LYRM4: variants seen among roughly 807,000 people sequenced by gnomAD.
The protein encoded by LYRM4 is LYR motif-containing protein 4.
Under a neutral mutation model 11.7 loss-of-function variants are expected in LYRM4, and 9 were observed. That is an observed-to-expected ratio of 0.77 (90% CI 0.46 to 1.34). LYRM4 has a LOEUF of 1.34. Among genes scored for constraint, LYRM4 ranks in the 40% most tolerant of loss-of-function variants. The pLI is 0.00. For synonymous variants in LYRM4, 42 were observed against 40.4 expected, an observed-to-expected ratio of 1.04 and a Z score of -0.15; for missense variants, 133 against 112.5, an observed-to-expected ratio of 1.18 and a Z score of -0.82.
the LYRM4 span, chr6:5,089,425 AT>A: frequency 6.6e-6 from 1 of 152,212 alleles, no homozygotes; most frequent in Non-Finnish European, 1.5e-5. Flanking sequence ...ATAAAGCAAC[AT>A]TTTGAATTGT....
intron 1 of LYRM4, among the ~76,000 whole-genome samples, chr6:5,227,989 G>C (rs184907248): frequency 1.3e-5 from 2 of 152,090 alleles, no homozygotes; most frequent in African/African-American, 2.4e-5. Flanking sequence ...GTTGCGGGGT[G>C]GGGGGCTAGG....
chr6:5,038,294 C>G, the LYRM4 span, among the ~76,000 whole-genome samples: 2 of 57,828 alleles, frequency 3.5e-5, 1 homozygote, highest in Non-Finnish European at 8.2e-5. Context: ...GGATGGCGGC[C>G]GGGCAGAGAT....
chr6:5,094,241 G>T, the LYRM4 span, among the ~76,000 whole-genome samples: 7 of 152,180 alleles, frequency 4.6e-5, no homozygotes, highest in Non-Finnish European at 8.8e-5. Flanking sequence ...CAGCACTTTG[G>T]GAGGCTGAGG....
At chr6:5,162,028 A>G (rs1212063487) in intron 2 of LYRM4, among the ~76,000 whole-genome samples, 1 of 152,178 alleles carries the variant, frequency 6.6e-6, no homozygotes, top group Non-Finnish European at 1.5e-5. Context: ...CCAGAAAAAA[A>G]GTGTAAAAAG....
the LYRM4 span, chr6:5,084,475 G>C: frequency 6.6e-6 from 1 of 152,030 alleles, no homozygotes; most frequent in Non-Finnish European, 1.5e-5. Context: ...CCGGCCCCAC[G>C]GGGCCCCCTC....
chr6:5,151,779 C>T (rs909000431), intron 2 of LYRM4, among the ~76,000 whole-genome samples: 3 of 152,106 alleles, frequency 2.0e-5, no homozygotes, highest in Admixed American at 1.3e-4. Flanking sequence ...TCCACCTCAC[C>T]GGATTACTGT....
intron 1 of LYRM4, among the ~76,000 whole-genome samples, chr6:5,221,449 C>T (rs1762576097): frequency 6.6e-6 from 1 of 152,012 alleles, no homozygotes; most frequent in South Asian, 2.1e-4. Flanking sequence ...AATCTCAGCA[C>T]TCTGGGAGGC....
chr6:5,046,776 G>A, the LYRM4 span, among the ~76,000 whole-genome samples: 12 of 152,140 alleles, frequency 7.9e-5, no homozygotes, highest in African/African-American at 2.4e-5. Context: ...GATGGCTTCC[G>A]TCATATTCTG....
chr6:5,184,507 C>T (rs1260744781), intron 2 of LYRM4, among the ~76,000 whole-genome samples: 1 of 152,062 alleles, frequency 6.6e-6, no homozygotes, highest in African/African-American at 2.4e-5. Flanking sequence ...CACAGGAAAA[C>T]AAAAAGTCTT....
intron 1 of LYRM4, among the ~76,000 whole-genome samples, chr6:5,257,463 A>G (rs529163230): frequency 5.4e-4 from 83 of 152,324 alleles, no homozygotes; most frequent in African/African-American, 1.8e-3. Context: ...AAAGCCATTG[A>G]TAACAGGTGC....
chr6:5,055,211 A>G, the LYRM4 span, among the ~76,000 whole-genome samples: 1 of 152,166 alleles, frequency 6.6e-6, no homozygotes, highest in Non-Finnish European at 1.5e-5. This position sits in a 1 kb window ranked among gnomAD's most constrained non-coding sequence, Gnocchi z 4.5. Context: ...TATACCTTAC[A>G]TGTATTCATT....
chr6:5,250,989 G>A (rs1401282292), intron 1 of LYRM4, among the ~76,000 whole-genome samples: 1 of 152,164 alleles, frequency 6.6e-6, no homozygotes, highest in African/African-American at 2.4e-5. Flanking sequence ...TGTCTCCTCA[G>A]CCCCAGTACA....
At chr6:5,247,950 AAGAG>A (rs893427117) in intron 1 of LYRM4, among the ~76,000 whole-genome samples, 12 of 152,206 alleles carry the variant, frequency 7.9e-5, no homozygotes, top group African/African-American at 2.9e-4. Context: ...CTGGATGAAA[AAGAG>A]AGAAATAAGC....
chr6:5,169,211 G>C (rs1581425419), intron 2 of LYRM4, among the ~76,000 whole-genome samples: 1 of 152,124 alleles, frequency 6.6e-6, no homozygotes, highest in Admixed American at 6.6e-5. Context: ...TTACAGGTGT[G>C]TGCCACCGTG....
chr6:5,121,134 T>C (rs570525269), intron 2 of LYRM4, among the ~76,000 whole-genome samples: 1 of 152,116 alleles, frequency 6.6e-6, no homozygotes, highest in Non-Finnish European at 1.5e-5. Context: ...ATGGAGTGCA[T>C]ACTTTTCCAA....
In LYRM4 at chr6:5,260,937, C is replaced by T. The variant is rs1765060031; in HGVS notation, c.-204G>A. On this transcript the variant is annotated 5_prime_UTR_variant, in exon 1 of 3. Transcript: ENST00000330636. ...CGTCCCGCGCCGCTTCGGGGGCGGG[C>T]GCAGGCAGGGCTCGGGGCAGCTAAG... 7 of 1,347,402 alleles carry T rather than the reference C, an allele frequency of 5.2e-6. No individual in the cohort carries two copies. The highest frequency in any genetic ancestry group is 1.6e-5 in the African/African-American group (1 of 64,194). The allele number at this position is 1,347,402 out of a possible 1,614,324, so 83.5% of individuals were successfully genotyped here. A position where few individuals can be genotyped will look rare whatever the true frequency, so the allele number is the denominator to read the frequency against.
intron 1 of LYRM4, among the ~76,000 whole-genome samples, chr6:5,234,060 G>A (rs1763396275): frequency 6.6e-6 from 1 of 152,038 alleles, no homozygotes; most frequent in African/African-American, 2.4e-5. Context: ...ACCACAATTG[G>A]CTTTAATTTC....
intron 1 of LYRM4, among the ~76,000 whole-genome samples, chr6:5,257,552 C>T (rs1219831885): frequency 6.6e-6 from 1 of 152,182 alleles, no homozygotes; most frequent in Admixed American, 6.5e-5. Flanking sequence ...AGTACTGGTC[C>T]GTGGCCTGTT....
intron 1 of LYRM4, among the ~76,000 whole-genome samples, chr6:5,245,176 T>G (rs1764139904): frequency 9.7e-6 from 1 of 103,086 alleles, no homozygotes; most frequent in African/African-American, 3.5e-5. Context: ...AATAGGTGAA[T>G]TTCTGGAACA....
Sources: allele counts gnomAD v4.1 joint callset (sites outside exome capture counted in the v4.1 genomes callset), GRCh38; gene constraint gnomAD v4.1.1; non-coding constraint Gnocchi (gnomAD v3.1); transcripts MANE v1.5; gene names NCBI Gene and HGNC (gene_info 2026-07-23, HGNC 2026-07-21).